Variants in NUCB1 observed in about 807,000 individuals in gnomAD.
The protein encoded by NUCB1 is nucleobindin-1.
NUCB1 carries 47 observed loss-of-function variants against 61.2 expected under a neutral mutation model. The observed-to-expected ratio is 0.77, with a 90% CI of 0.61 to 0.98. The LOEUF is 0.98. NUCB1 is among the 50% of genes least tolerant of loss of function. The probability of loss-of-function intolerance (pLI) is 0.00; values close to 1 mark genes in which losing one functional copy is unlikely to be tolerated. For missense variants in NUCB1, 583 were observed against 605.3 expected, an observed-to-expected ratio of 0.96 and a Z score of 0.39; for synonymous variants, 234 against 243.1, an observed-to-expected ratio of 0.96 and a Z score of 0.35.
intron 5 of NUCB1, among the ~76,000 whole-genome samples, chr19:48,912,233 G>A (rs2037482226): frequency 6.6e-6 from 1 of 151,742 alleles, no homozygotes; most frequent in Admixed American, 6.6e-5. Context: ...GCTGTGTTAT[G>A]TGAGTTAGTC....
intron 10 of NUCB1, among the ~76,000 whole-genome samples, chr19:48,920,619 G>A (rs1225634599): frequency 6.6e-6 from 1 of 151,734 alleles, no homozygotes; most frequent in Non-Finnish European, 1.5e-5. Flanking sequence ...CACCTCCCAG[G>A]TTCAAGCAAT....
chr19:48,900,410 G>A (rs2037341330), intron 1 of NUCB1, 38 bp downstream of exon 1: 1 of 237,682 alleles, frequency 4.2e-6, no homozygotes, highest in African/African-American at 2.3e-5. Context: ...GGGTCCTAGG[G>A]AGGATGGGGG....
At position 48,900,803 on chromosome 19, in the gene NUCB1, C is replaced by T. The variant is rs1481711491; in HGVS notation, c.7C>T (p.Pro3Ser). The change falls in exon 2 of 13, where the codon CCC becomes TCC. Residue 3 changes from proline (P) to serine (S), a missense_variant. Coordinates refer to ENST00000405315, the MANE Select transcript of NUCB1 (RefSeq NM_006184.6). The part of the protein sequence containing the change: MP[P>S]SGPRGTLLLL... The stretch of plus-strand genomic sequence containing the variant: ...CCCCACAGACCACACTGCCATGCCT[C>T]CCTCTGGGCCCCGAGGAACCCTCCT... 4 of 1,613,782 alleles carry T rather than the reference C, an allele frequency of 2.5e-6. No individual in the cohort carries two copies. The highest frequency in any genetic ancestry group is 1.1e-5 in the South Asian group (1 of 91,074).
chr19:48,920,473 C>T (rs1173931609), intron 10 of NUCB1, among the ~76,000 whole-genome samples: 2 of 152,040 alleles, frequency 1.3e-5, no homozygotes, highest in African/African-American at 4.8e-5. Context: ...ACTACAGGCA[C>T]ATACCACCAT....
intron 10 of NUCB1, among the ~76,000 whole-genome samples, chr19:48,919,734 T>C (rs1388609428): frequency 6.7e-6 from 1 of 149,252 alleles, no homozygotes; most frequent in African/African-American, 2.5e-5. Flanking sequence ...CACCTTGGCC[T>C]CCCAAAGTGC....
rs12463009 is a variant in NUCB1 at position 48,923,139 on chromosome 19, C to G, written c.*715C>G. On this transcript the variant is annotated 3_prime_UTR_variant, in exon 13 of 13. Transcript: ENST00000405315. ...ACCCCACTCCAGGACCTAGGCCCAGCCCCTCAGCCTCATCTGGAGCCCCTG... is the reference window on the plus strand; with the variant it reads ...ACCCCACTCCAGGACCTAGGCCCAGGCCCTCAGCCTCATCTGGAGCCCCTG... The G allele has an allele frequency of 0.01, 1,560 of 153,082 alleles. 50 individuals are homozygous for G. The highest frequency in any genetic ancestry group is 0.068 in the Admixed American group (1,047 of 15,300). 9.5% of individuals were successfully genotyped at this position (153,082 alleles called of 1,614,324 possible).
chr19:48,912,989 A>C, intron 5 of NUCB1, 22 bp from the exon 6 acceptor site: 1 of 1,578,928 alleles, frequency 6.3e-7, no homozygotes, highest in Middle Eastern at 1.8e-4. Flanking sequence ...GCAGAGGGGA[A>C]TGACCCTGTG....
In NUCB1 at chr19:48,919,810, G is replaced by A. The variant is rs573822797; in HGVS notation, c.1002+524G>A. Among the ~76,000 whole-genome samples, 287 of 132,292 alleles carry A rather than the reference G, an allele frequency of 2.2e-3. 3 individuals carry two copies. The highest frequency in any genetic ancestry group is 7.8e-3 in the African/African-American group (271 of 34,858). 86.8% of individuals were successfully genotyped at this position (132,292 alleles called of 152,430 possible). On this transcript the variant is annotated intron_variant, in intron 10 of 12. Transcript: ENST00000405315. ...CTGAAACAGGGTCTTGCTCTGTCGCGTAGGCTGGAGCCCAGTGGTGGGATC... is the reference window on the plus strand; with the variant it reads ...CTGAAACAGGGTCTTGCTCTGTCGCATAGGCTGGAGCCCAGTGGTGGGATC...
At chr19:48,915,820 T>C (rs1417462992) in intron 7 of NUCB1, among the ~76,000 whole-genome samples, 1 of 151,874 alleles carries the variant, frequency 6.6e-6, no homozygotes, top group Non-Finnish European at 1.5e-5. Flanking sequence ...GTGTTTTGTT[T>C]TGTTTTTTTT....
Position 48,904,437 on chromosome 19 carries a change from A to G in NUCB1, c.226A>G (p.Asn76Asp). ...TTTCCGAGAGAAGCTGCAGGCTGCC[A>G]ATGCGGAGGACATCAAGGTGCGGCT... ...GHFREKLQAA[N>D]AEDIKSGKLS... The change falls in exon 3 of 13, where the codon AAT becomes GAT. Residue 76 changes from asparagine to aspartate, a missense_variant. Transcript: ENST00000405315. 6.2e-7 allele frequency: 1 copy of G among 1,612,802 alleles called. No homozygotes were observed.
intron 3 of NUCB1, 115 bp downstream of exon 3, chr19:48,904,569 G>T: frequency 1.5e-6 from 1 of 654,694 alleles, no homozygotes; most frequent in East Asian, 2.8e-5. Flanking sequence ...CTGTCACCCA[G>T]GCTGGAGTGC....
Position 48,900,901 on chromosome 19 carries a change from C to G in NUCB1, c.105C>G (p.Asn35Lys). 6.2e-7 allele frequency: 1 copy of G among 1,613,942 alleles called. No homozygotes were observed. The highest frequency in any genetic ancestry group is 8.5e-7 in the Non-Finnish European group (1 of 1,180,040). ...LAVPLERGAP[N>K]KEETPATESP... Reference sequence around the variant, plus strand: ...TCCCCCTGGAGCGAGGGGCGCCCAACAAGGAGGAGACCCCTGCGACTGAGA... The same window carrying G: ...TCCCCCTGGAGCGAGGGGCGCCCAAGAAGGAGGAGACCCCTGCGACTGAGA... The change falls in exon 2 of 13, where the codon AAC becomes AAG. Residue 35 changes from asparagine (N) to lysine (K), a missense_variant. Asn to Lys is a moderately conservative substitution (Grantham distance 94). Coordinates refer to ENST00000405315, the MANE Select transcript of NUCB1 (RefSeq NM_006184.6).
rs773762425 is a variant in NUCB1, at chr19:48,919,071, G to A, written c.858G>A (p.Met286Ile). The change falls in exon 9 of 13, where the codon ATG becomes ATA. Residue 286 changes from methionine (M) to isoleucine (I), a missense_variant. Physicochemically the swap from Met to Ile is conservative, Grantham distance 10. Coordinates refer to ENST00000405315, the MANE Select transcript of NUCB1 (RefSeq NM_006184.6). ...ACCCAAAGAATGAGGAGGACGACATGCGGGAGATGGAGGAGGAGCGACTGC... is the reference window on the plus strand; with the variant it reads ...ACCCAAAGAATGAGGAGGACGACATACGGGAGATGGAGGAGGAGCGACTGC... The part of the protein sequence containing the change: ...VYDPKNEEDD[M>I]REMEEERLRM... The A allele has an allele frequency of 6.2e-7, 1 of 1,614,170 alleles. No individual in the cohort carries two copies. The highest frequency in any genetic ancestry group is 2.2e-5 in the East Asian group (1 of 44,886).
chr19:48,908,714 A>C (rs1453327674), intron 4 of NUCB1, among the ~76,000 whole-genome samples: 12 of 59,572 alleles, frequency 2.0e-4, no homozygotes, highest in South Asian at 5.3e-4. Context: ...TGCCCACTTG[A>C]CCAAGGGGTG....
intron 8 of NUCB1, 51 bp from the exon 9 acceptor site, chr19:48,918,979 G>A: frequency 6.4e-7 from 1 of 1,563,844 alleles, no homozygotes; most frequent in African/African-American, 1.4e-5. Flanking sequence ...TGTCGGGAAT[G>A]AGCTCGCTGG....
At chr19:48,918,903 A>G (rs1355950480) in intron 8 of NUCB1, 119 bp downstream of exon 8, 2 of 1,314,216 alleles carry the variant, frequency 1.5e-6, no homozygotes, top group Non-Finnish European at 1.1e-6. Flanking sequence ...AACTCCCATC[A>G]GCCCCTGGGG....
intron 7 of NUCB1, among the ~76,000 whole-genome samples, chr19:48,914,903 A>G (rs1186069425): frequency 1.3e-5 from 2 of 152,006 alleles, no homozygotes; most frequent in Admixed American, 6.6e-5. Context: ...CAACATGGTG[A>G]AACCCCATCT....
At chr19:48,908,762 G>A (rs1450189671) in intron 4 of NUCB1, among the ~76,000 whole-genome samples, 1 of 145,514 alleles carries the variant, frequency 6.9e-6, no homozygotes, top group Non-Finnish European at 1.5e-5. Context: ...GTGTGTGTGT[G>A]TCTTTCTCCC....
In NUCB1 at chr19:48,922,386, G is replaced by A. The variant is rs375598721; in HGVS notation, c.1348G>A (p.Glu450Lys). The change falls in exon 13 of 13, where the codon GAG (glutamate) becomes AAG (lysine). Residue 450 changes from glutamate (E) to lysine (K), a missense_variant. By Grantham distance (56) the Glu-to-Lys change is moderately conservative (BLOSUM62 1). Transcript: ENST00000405315. ...EVDTSEKKLL[E>K]RLPEVEVPQH... ...GGACACTTCAGAAAAGAAACTTCTCGAGCGGCTCCCTGAGGTTGAGGTGCC... is the reference window on the plus strand; with the variant it reads ...GGACACTTCAGAAAAGAAACTTCTCAAGCGGCTCCCTGAGGTTGAGGTGCC... 3.3e-5 allele frequency: 54 copies of A among 1,613,672 alleles called. No homozygotes were observed. Among genetic ancestry groups the A allele is most frequent in the South Asian group, 6.6e-5 (6 of 91,080 alleles).
Sources: gnomAD v4.1 joint callset for allele counts (sites outside exome capture counted in the v4.1 genomes callset) on GRCh38, gnomAD v4.1.1 for gene constraint, MANE v1.5 for transcripts, NCBI Gene and HGNC (gene_info 2026-07-23, HGNC 2026-07-21) for gene names.